Variants in BRWD1 observed in about 807,000 individuals in gnomAD.
BRWD1 encodes the protein bromodomain and WD repeat-containing protein 1.
Under a neutral mutation model 251.2 loss-of-function variants are expected in BRWD1, and 82 were observed. That is an observed-to-expected ratio of 0.33 (90% CI 0.27 to 0.39). BRWD1 has a LOEUF of 0.39. Among genes scored for constraint, BRWD1 ranks in the 10% least tolerant of loss-of-function variants. The pLI is 1.00. For missense variants in BRWD1, 2,233 were observed against 2,711.6 expected, an observed-to-expected ratio of 0.82 and a Z score of 3.92; for synonymous variants, 918 against 902.8, an observed-to-expected ratio of 1.02 and a Z score of -0.30.
In BRWD1 at chr21:39,194,867, C is replaced by A; in HGVS notation, c.*1392G>T. On this transcript the variant is annotated 3_prime_UTR_variant, in exon 41 of 41. Coordinates refer to ENST00000342449, the MANE Select transcript of BRWD1 (RefSeq NM_033656.4). ...CACAGGAGAAAAGGGTTAATTTTGT[C>A]TGAAATCAAACACAATTAGGGCTAA... is the stretch of plus-strand genomic sequence containing the variant. 1 of 1,532,258 alleles carries A rather than the reference C, an allele frequency of 6.5e-7. No individual in the cohort carries two copies. Among genetic ancestry groups the A allele is most frequent in the Non-Finnish European group, 8.7e-7 (1 of 1,144,226 alleles). The allele number at this position is 1,532,258 out of a possible 1,614,324, so 94.9% of individuals were successfully genotyped here.
Position 39,190,061 on chromosome 21 carries a change from A to C in BRWD1, c.*6198T>G. On this transcript the variant is annotated 3_prime_UTR_variant, in exon 41 of 41. Coordinates refer to ENST00000342449, the MANE Select transcript of BRWD1 (RefSeq NM_033656.4). ...TGTAAAACTGTACATCTGTAGTAGC[A>C]CTCCATGATCATTTCCCTGGATGAC... 1 of 985,298 alleles carries C rather than the reference A, an allele frequency of 1.0e-6. No individual in the cohort carries two copies. Among genetic ancestry groups the C allele is most frequent in the Non-Finnish European group, 1.2e-6 (1 of 829,882 alleles). The allele number at this position is 985,298 out of a possible 1,614,324, so 61.0% of individuals were successfully genotyped here.
intron 4 of BRWD1, among the ~76,000 whole-genome samples, chr21:39,303,245 G>A (rs577229019): frequency 1.3e-4 from 20 of 151,520 alleles, no homozygotes; most frequent in Non-Finnish European, 2.4e-4. Context: ...GAGGCCGGGT[G>A]CAGTGACTCA....
In BRWD1 at chr21:39,190,294, G is replaced by GT. The variant is rs1345943436; in HGVS notation, c.*5964dup. On this transcript the variant is annotated 3_prime_UTR_variant, in exon 41 of 41. Coordinates refer to ENST00000342449, the MANE Select transcript of BRWD1 (RefSeq NM_033656.4). ...GCACAATATTTCATCATACAAAACT[G>GT]TTTTCCTAAATTCAAAGTAAACTGC... is the stretch of plus-strand genomic sequence containing the variant. The GT allele has an allele frequency of 1.0e-6, 1 of 984,458 alleles. No homozygotes were observed. The highest frequency in any genetic ancestry group is 1.8e-5 in the African/African-American group (1 of 57,120). The allele number at this position is 984,458 out of a possible 1,614,324, so 61.0% of individuals were successfully genotyped here.
rs571822451 is a variant in BRWD1, at chr21:39,208,984, A to G, written c.4197+1011T>C. Among the ~76,000 whole-genome samples the G allele has an allele frequency of 2.6e-5, 4 of 151,954 alleles. No individual in the cohort carries two copies. The East Asian group carries it at 7.7e-4, about 29-fold the overall frequency. ...TCTTAAGTTTACAAAATGACAAAAA[A>G]AAAAAAAGAAAGAAAGAAACCCAAC... On this transcript the variant is annotated intron_variant, in intron 36 of 40. Coordinates refer to ENST00000342449, the MANE Select transcript of BRWD1 (RefSeq NM_033656.4).
Position 39,312,036 on chromosome 21 carries a change from A to C in BRWD1, c.198+805T>G, listed in dbSNP as rs760287998. ...ATTAATGAATTCCTTTATCCTAATAACGAAACGGCAAAAATATATTCCTGA... is the reference window on the plus strand; with the variant it reads ...ATTAATGAATTCCTTTATCCTAATACCGAAACGGCAAAAATATATTCCTGA... On this transcript the variant is annotated intron_variant, in intron 4 of 40. Transcript: ENST00000342449. 2.6e-4 allele frequency among the ~76,000 whole-genome samples: 40 copies of C among 152,226 alleles called. 1 individual carries two copies. The highest frequency in any genetic ancestry group is 1.2e-3 in the South Asian group (6 of 4,836).
intron 17 of BRWD1, 59 bp downstream of exon 17, chr21:39,264,401 A>G: frequency 9.8e-7 from 1 of 1,021,194 alleles, no homozygotes; most frequent in Non-Finnish European, 1.4e-6. Context: ...TATTTATATT[A>G]TACTTTAAAA....
In BRWD1 at chr21:39,192,424, T is replaced by G. The variant is rs2031599700; in HGVS notation, c.*3835A>C. On this transcript the variant is annotated 3_prime_UTR_variant, in exon 41 of 41. Transcript: ENST00000342449. ...TAAGAGACAGTCTCAAACTGTTAAGTTGCAAATTTCTTGGGGTTTCTGCTT... is the reference window on the plus strand; with the variant it reads ...TAAGAGACAGTCTCAAACTGTTAAGGTGCAAATTTCTTGGGGTTTCTGCTT... 8 of 985,294 alleles carry G rather than the reference T, an allele frequency of 8.1e-6. No homozygotes were observed. 61.0% of individuals were successfully genotyped at this position (985,294 alleles called of 1,614,324 possible). A position where few individuals can be genotyped will look rare whatever the true frequency, so the allele number is the denominator to read the frequency against.
intron 12 of BRWD1, 34 bp downstream of exon 12, chr21:39,276,139 A>AACAC: frequency 1.3e-6 from 2 of 1,544,342 alleles, no homozygotes; most frequent in Non-Finnish European, 8.8e-7. Flanking sequence ...TTTGCCTAAT[A>AACAC]ACACACACAC....
chr21:39,318,516 A>G (rs1261368116), upstream of BRWD1, among the ~76,000 whole-genome samples: 1 of 152,236 alleles, frequency 6.6e-6, no homozygotes, highest in Non-Finnish European at 1.5e-5. Context: ...CCTCCAGAAC[A>G]CTATACCACA....
intron 20 of BRWD1, 79 bp downstream of exon 20, chr21:39,250,717 G>A: frequency 1.1e-6 from 1 of 901,780 alleles, no homozygotes; most frequent in Non-Finnish European, 1.7e-6. Flanking sequence ...GAAAGTTACT[G>A]ATAGTTTTAT....
At chr21:39,221,556 C>T (rs1427305052) in intron 29 of BRWD1, among the ~76,000 whole-genome samples, 1 of 151,754 alleles carries the variant, frequency 6.6e-6, no homozygotes, top group African/African-American at 2.4e-5. Flanking sequence ...CCAGAAAAGC[C>T]CCGAAATACA....
At chr21:39,220,231 T>G (rs2033122023) in intron 29 of BRWD1, among the ~76,000 whole-genome samples, 1 of 152,018 alleles carries the variant, frequency 6.6e-6, no homozygotes, top group Non-Finnish European at 1.5e-5. Flanking sequence ...CCCACACGTG[T>G]GAAGAAATGA....
chr21:39,232,615 T>G (rs1172161201), intron 23 of BRWD1, 117 bp from the exon 24 acceptor site: 8 of 1,174,152 alleles, frequency 6.8e-6, no homozygotes, highest in Non-Finnish European at 9.6e-6. Flanking sequence ...CATGTCCATC[T>G]AATGATTAGT....
chr21:39,206,689 T>A (rs1282492662), intron 36 of BRWD1, among the ~76,000 whole-genome samples: 1 of 152,218 alleles, frequency 6.6e-6, no homozygotes, highest in Admixed American at 6.5e-5. Flanking sequence ...AAAGCACTTT[T>A]ATATACCCAT....
chr21:39,240,130 G>A (rs2033939559), intron 21 of BRWD1, among the ~76,000 whole-genome samples: 1 of 152,162 alleles, frequency 6.6e-6, no homozygotes, highest in Non-Finnish European at 1.5e-5. Flanking sequence ...ATTAATAAAT[G>A]AACGAAGCCA....
chr21:39,227,758 T>C (rs1025953639), intron 27 of BRWD1, among the ~76,000 whole-genome samples: 4 of 152,194 alleles, frequency 2.6e-5, no homozygotes, highest in African/African-American at 4.8e-5. Flanking sequence ...TAATTGGGTA[T>C]ACCAGAACAT....
intron 8 of BRWD1, among the ~76,000 whole-genome samples, chr21:39,289,555 C>A (rs1287881314): frequency 1.3e-5 from 2 of 152,054 alleles, no homozygotes; most frequent in African/African-American, 4.8e-5. Flanking sequence ...ATTTAGAATT[C>A]CCTTTAATGT....
chr21:39,315,549 G>T (rs1207480131), upstream of BRWD1, among the ~76,000 whole-genome samples: 10 of 151,926 alleles, frequency 6.6e-5, no homozygotes, highest in Non-Finnish European at 1.5e-4. Flanking sequence ...CAGGAGAATC[G>T]CTTGAACCCC....
intron 27 of BRWD1, among the ~76,000 whole-genome samples, chr21:39,227,161 A>C (rs2033417435): frequency 6.6e-6 from 1 of 152,178 alleles, no homozygotes; most frequent in Non-Finnish European, 1.5e-5. Flanking sequence ...GTGTCCAAAA[A>C]AAGAAGGAAA....
Sources: allele counts gnomAD v4.1 joint callset (sites outside exome capture counted in the v4.1 genomes callset), GRCh38; gene constraint gnomAD v4.1.1; transcripts MANE v1.5; gene names NCBI Gene and HGNC (gene_info 2026-07-23, HGNC 2026-07-21).